ZNF536: variants seen among roughly 807,000 people sequenced by gnomAD.
The protein encoded by ZNF536 is zinc finger protein 536.
Under a neutral mutation model 84.5 loss-of-function variants are expected in ZNF536, and 13 were observed. The observed-to-expected ratio is 0.15, with a 90% CI of 0.10 to 0.24. The LOEUF (loss-of-function observed/expected upper bound fraction) is 0.24. Among genes scored for constraint, ZNF536 ranks in the 10% least tolerant of loss-of-function variants. The pLI is 1.00. For synonymous variants in ZNF536, 811 were observed against 742.5 expected (o/e 1.09, Z -1.50); for missense variants, 1,536 against 1,747.5 (o/e 0.88, Z 2.16).
intron 1 of ZNF536, among the ~76,000 whole-genome samples, chr19:30,387,620 A>G (rs555484337): frequency 4.1e-4 from 63 of 152,290 alleles, no homozygotes; most frequent in Non-Finnish European, 7.8e-4. Flanking sequence ...CTGATGACAC[A>G]CTTGAGATAA....
At chr19:30,408,004 A>G (rs16964157) in intron 1 of ZNF536, among the ~76,000 whole-genome samples, 4,835 of 152,198 alleles carry the variant, frequency 0.032, 96 homozygotes, top group Middle Eastern at 0.11. Context: ...CTCTGATGTG[A>G]TGGGCACTAT....
chr19:30,547,500 A>C (rs923931513), intron 3 of ZNF536, among the ~76,000 whole-genome samples: 2 of 152,208 alleles, frequency 1.3e-5, no homozygotes, highest in African/African-American at 4.8e-5. Flanking sequence ...GTGCCATAAA[A>C]TTTTTAGGTT....
rs2148212114 is a variant in ZNF536, at chr19:30,445,116, G to A, written c.1554G>A (p.Val518=). 1.2e-6 allele frequency: 2 copies of A among 1,613,908 alleles called. No individual in the cohort carries two copies. The highest frequency in any genetic ancestry group is 8.5e-7 in the Non-Finnish European group (1 of 1,180,042). Residue 518 remains valine (V), a synonymous_variant, in exon 2 of 5, where the codon GTG becomes GTA. Coordinates refer to ENST00000355537, the MANE Select transcript of ZNF536 (RefSeq NM_014717.3). The surrounding 1 kb of genome is among the most constrained non-coding windows in gnomAD (Gnocchi z 4.5). The part of the protein sequence containing the change: ...AAAKAAEMDP[V]NSYQAWQLMA... ...CCAAGGCTGCGGAGATGGACCCCGT[G>A]AACAGCTACCAGGCTTGGCAGCTCA...
chr19:30,261,728 A>T (rs2145280230), intron 1 of ZNF536, among the ~76,000 whole-genome samples: 1 of 150,798 alleles, frequency 6.6e-6, no homozygotes, highest in South Asian at 2.1e-4. Context: ...GAAAAAGAAA[A>T]GTGAGTTGAT....
At chr19:30,627,995 ACCACCCCTGCTTC>A (rs1039449447) in intron 1 of ZNF536, among the ~76,000 whole-genome samples, 8 of 152,006 alleles carry the variant, frequency 5.3e-5, no homozygotes, top group Non-Finnish European at 1.0e-4. Context: ...TGTCCCCCGT[ACCACCCCTGCTTC>A]CCGTGGGGAG....
intron 1 of ZNF536, among the ~76,000 whole-genome samples, chr19:30,600,112 C>T (rs574147098): frequency 0.11 from 37 of 344 alleles, no homozygotes; most frequent in African/African-American, 0.33. Context: ...TTCTTGGAGA[C>T]AGAGTTTCTC....
intron 2 of ZNF536, among the ~76,000 whole-genome samples, chr19:30,294,233 G>T (rs1479542997): frequency 6.6e-6 from 1 of 152,172 alleles, no homozygotes; most frequent in Non-Finnish European, 1.5e-5. Context: ...GGAGGTAGAG[G>T]CACGTGTATT....
chr19:30,466,584 A>AAGAAAGAAAGAGAGAGAGAG (rs1555775076), intron 2 of ZNF536, among the ~76,000 whole-genome samples: 1 of 144,374 alleles, frequency 6.9e-6, no homozygotes, highest in South Asian at 2.3e-4. Context: ...GAAAGAAAGA[A>AAGAAAGAAAGAGAGAGAGAG]AGAGAGAGAG....
chr19:30,445,506 G>A lies in ZNF536; in HGVS notation c.1944G>A (p.Val648=), dbSNP rs2148227464. The A allele has an allele frequency of 1.2e-6, 2 of 1,614,030 alleles. No homozygotes were observed. The highest frequency in any genetic ancestry group is 1.7e-6 in the Non-Finnish European group (2 of 1,180,014). The part of the protein sequence containing the change: ...RVFRTYHQVV[V]HSRVHKRDRK... Reference sequence around the variant, plus strand: ...TCCGCACTTACCACCAGGTGGTCGTGCACTCCCGTGTCCACAAGCGGGACC... The same window carrying A: ...TCCGCACTTACCACCAGGTGGTCGTACACTCCCGTGTCCACAAGCGGGACC... Residue 648 remains valine, a synonymous_variant, in exon 2 of 5, where the codon GTG becomes GTA. Transcript: ENST00000355537. This position sits in a 1 kb window ranked among gnomAD's most constrained non-coding sequence, Gnocchi z 4.5.
chr19:30,513,511 A>G (rs1226574922), intron 2 of ZNF536, among the ~76,000 whole-genome samples: 4 of 152,190 alleles, frequency 2.6e-5, no homozygotes, highest in Admixed American at 1.3e-4. Context: ...GTGTCATTCA[A>G]TCAGCAGTCT....
downstream of ZNF536, among the ~76,000 whole-genome samples, chr19:30,562,158 T>C (rs2046193135): frequency 6.6e-6 from 1 of 152,148 alleles, no homozygotes; most frequent in Non-Finnish European, 1.5e-5. Flanking sequence ...GCATTCCAGA[T>C]GTCTGCTCCG....
At chr19:30,383,757 CTCTT>C (rs1423075553) in intron 1 of ZNF536, among the ~76,000 whole-genome samples, 14 of 86,942 alleles carry the variant, frequency 1.6e-4, no homozygotes, top group East Asian at 1.2e-3. Context: ...TTCTTTCTTT[CTCTT>C]TCTTTCTTTC....
intron 1 of ZNF536, among the ~76,000 whole-genome samples, chr19:30,645,343 C>G (rs904770333): frequency 6.6e-6 from 1 of 152,086 alleles, no homozygotes; most frequent in African/African-American, 2.4e-5. Context: ...ATGGTAGTTT[C>G]TTTTGCTGTG....
chr19:30,653,610 G>A (rs1005020147), intron 1 of ZNF536, among the ~76,000 whole-genome samples: 2 of 152,090 alleles, frequency 1.3e-5, no homozygotes, highest in Non-Finnish European at 2.9e-5. Flanking sequence ...GGTGGGATCC[G>A]CTCCCTTAGG....
At chr19:30,346,569 C>G (rs536756995) in intron 2 of ZNF536, among the ~76,000 whole-genome samples, 2 of 152,182 alleles carry the variant, frequency 1.3e-5, no homozygotes, top group African/African-American at 4.8e-5. Context: ...TTAGTTCCCA[C>G]TTATAAGTGA....
Position 30,581,906 on chromosome 19 carries a change from C to T in ZNF536, c.169+32392C>T, listed in dbSNP as rs112763698. 2.6e-3 allele frequency among the ~76,000 whole-genome samples: 389 copies of T among 152,292 alleles called. 1 individual carries two copies. The highest frequency in any genetic ancestry group is 8.9e-3 in the African/African-American group (371 of 41,542). The stretch of plus-strand genomic sequence containing the variant: ...CTGAGATCGTGCCACTGCACTCCAG[C>T]CTGGTGACAGAGCCAGAGCGAGACT... On this transcript the variant is annotated intron_variant, in intron 1 of 1. Transcript: ENST00000592773.
At chr19:30,543,489 T>A (rs2045417971) in intron 3 of ZNF536, among the ~76,000 whole-genome samples, 1 of 152,164 alleles carries the variant, frequency 6.6e-6, no homozygotes, top group Admixed American at 6.5e-5. Flanking sequence ...CCAGCCTTGG[T>A]TGGGCAGGGC....
At chr19:30,383,672 CTTCCTTTCTTCCTTCCTTTCTTTTCTT>C in intron 1 of ZNF536, among the ~76,000 whole-genome samples, 1 of 24,008 alleles carries the variant, frequency 4.2e-5, no homozygotes, top group South Asian at 1.6e-3. Flanking sequence ...CTCTTTCTTT[CTTCCTTTCTTCCTTCCTTTCTTTTCTT>C]TCTCTTTCTT....
intron 1 of ZNF536, among the ~76,000 whole-genome samples, chr19:30,249,359 GGGAGGGGGACAAGGA>G (rs2024472974): frequency 1.3e-5 from 2 of 150,588 alleles, no homozygotes; most frequent in African/African-American, 4.9e-5. Flanking sequence ...AAGGAGGAGG[GGGAGGGGGACAAGGA>G]GGAGGGGGAG....
Sources: allele counts gnomAD v4.1 joint callset (sites outside exome capture counted in the v4.1 genomes callset), GRCh38; gene constraint gnomAD v4.1.1; non-coding constraint Gnocchi (gnomAD v3.1); transcripts MANE v1.5; gene names NCBI Gene and HGNC (gene_info 2026-07-23, HGNC 2026-07-21).